The following NEGR1 variants were observed in gnomAD, a reference collection of about 807,000 sequenced individuals.
NEGR1 encodes neuronal growth regulator 1, also known as IgLON family member 4.
A neutral mutation model predicts 40.9 loss-of-function variants in NEGR1; 10 were observed. The ratio of observed to expected loss-of-function variants is 0.24; its 90% CI spans 0.15 to 0.42. The LOEUF is 0.42. Ranked by LOEUF, NEGR1 falls within the 10% of genes least tolerant of loss-of-function variation. The pLI, the probability that NEGR1 is intolerant of heterozygous loss-of-function variation, is 1.00. For missense variants in NEGR1, 352 were observed against 438.9 expected, an observed-to-expected ratio of 0.80 and a Z score of 1.77; for synonymous variants, 185 against 166.8, an observed-to-expected ratio of 1.11 and a Z score of -0.84.
At chr1:71,851,112 T>A (rs1015613634) in intron 2 of NEGR1, among the ~76,000 whole-genome samples, 2 of 152,122 alleles carry the variant, frequency 1.3e-5, no homozygotes, top group Non-Finnish European at 2.9e-5. Flanking sequence ...GCTTTGGCTA[T>A]CTACATGACA....
At chr1:71,755,054 C>T (rs565354812) in intron 3 of NEGR1, among the ~76,000 whole-genome samples, 1 of 152,336 alleles carries the variant, frequency 6.6e-6, no homozygotes, top group African/African-American at 2.4e-5. Context: ...GACATTTTCA[C>T]TTGAGTGTCT....
chr1:72,273,666 T>G (rs934546188), intron 1 of NEGR1, among the ~76,000 whole-genome samples: 1 of 151,962 alleles, frequency 6.6e-6, no homozygotes, highest in East Asian at 1.9e-4. Context: ...AAATGCCTTA[T>G]ATTTTAGTAC....
intron 2 of NEGR1, among the ~76,000 whole-genome samples, chr1:71,903,662 T>C (rs1042843884): frequency 4.6e-5 from 7 of 151,934 alleles, no homozygotes; most frequent in Non-Finnish European, 8.8e-5. Flanking sequence ...GTACTATTCA[T>C]AAATACATTT....
intron 4 of NEGR1, among the ~76,000 whole-genome samples, chr1:71,660,896 T>C (rs1652032617): frequency 6.6e-6 from 1 of 152,202 alleles, no homozygotes; most frequent in Non-Finnish European, 1.5e-5. Flanking sequence ...TTCCCCTCTC[T>C]GTGCCCATAT....
At chr1:72,084,303 CA>C in intron 1 of NEGR1, among the ~76,000 whole-genome samples, 1 of 152,294 alleles carries the variant, frequency 6.6e-6, no homozygotes, top group South Asian at 2.1e-4. Flanking sequence ...ACCCTAGGCA[CA>C]GATGCACAAG....
intron 2 of NEGR1, among the ~76,000 whole-genome samples, chr1:71,857,074 T>C (rs1659794509): frequency 6.6e-6 from 1 of 151,996 alleles, no homozygotes; most frequent in African/African-American, 2.4e-5. Flanking sequence ...CGCACTGAGA[T>C]GACTTGCAAA....
intron 3 of NEGR1, among the ~76,000 whole-genome samples, chr1:71,735,443 T>G (rs887914903): frequency 6.6e-6 from 1 of 152,080 alleles, no homozygotes; most frequent in African/African-American, 2.4e-5. Flanking sequence ...AATCTGATAT[T>G]TAATGAATGG....
At chr1:71,826,371 C>A (rs1658625276) in intron 2 of NEGR1, among the ~76,000 whole-genome samples, 1 of 151,894 alleles carries the variant, frequency 6.6e-6, no homozygotes, top group African/African-American at 2.4e-5. Context: ...ATTCTACCTG[C>A]TAATCATTCC....
intron 2 of NEGR1, among the ~76,000 whole-genome samples, chr1:71,869,781 C>T (rs188644008): frequency 3.0e-4 from 46 of 151,948 alleles, no homozygotes; most frequent in Middle Eastern, 3.4e-3. Context: ...TCACTTAATA[C>T]GGAAAATACT....
chr1:71,555,653 C>T lies in NEGR1; in HGVS notation c.940+37164G>A, dbSNP rs564933458. Among the ~76,000 whole-genome samples, 6 of 151,662 alleles carry T rather than the reference C, an allele frequency of 4.0e-5. No homozygotes were observed. The South Asian group carries it at 1.2e-3, about 31-fold the overall frequency. ...ACATTTTTTCAAATTATCTTTCTTT[C>T]CTAAGTCACTCGTGAACATAAGGTC... is the stretch of plus-strand genomic sequence containing the variant. On this transcript the variant is annotated intron_variant, in intron 6 of 6. Transcript: ENST00000357731.
chr1:72,149,699 G>A (rs1651044156), intron 1 of NEGR1, among the ~76,000 whole-genome samples: 3 of 151,406 alleles, frequency 2.0e-5, no homozygotes, highest in African/African-American at 7.3e-5. Flanking sequence ...ACTGACCAAC[G>A]TGGAGAAACC....
chr1:72,137,025 G>A (rs1650493684), intron 1 of NEGR1, among the ~76,000 whole-genome samples: 1 of 152,266 alleles, frequency 6.6e-6, no homozygotes, highest in African/African-American at 2.4e-5. Context: ...TCAGATAAAT[G>A]CAAATCAAAA....
chr1:71,582,065 A>G (rs1649156159), intron 6 of NEGR1, among the ~76,000 whole-genome samples: 1 of 152,210 alleles, frequency 6.6e-6, no homozygotes, highest in African/African-American at 2.4e-5. Flanking sequence ...ATCATAGTGA[A>G]GCCATTAAAA....
intron 1 of NEGR1, among the ~76,000 whole-genome samples, chr1:72,181,280 A>C (rs1652356691): frequency 6.6e-6 from 1 of 152,134 alleles, no homozygotes; most frequent in Non-Finnish European, 1.5e-5. Flanking sequence ...AGCACAAGAT[A>C]AGGTTGGGCA....
At chr1:71,994,412 C>T (rs746790644) in intron 1 of NEGR1, among the ~76,000 whole-genome samples, 2 of 151,842 alleles carry the variant, frequency 1.3e-5, no homozygotes, top group Non-Finnish European at 2.9e-5. Context: ...CCTGTAGTAC[C>T]AGCTACTCGG....
At chr1:71,858,240 G>T (rs934459153) in intron 2 of NEGR1, among the ~76,000 whole-genome samples, 7 of 151,778 alleles carry the variant, frequency 4.6e-5, no homozygotes, top group Non-Finnish European at 8.8e-5. Context: ...AGTGAAATAT[G>T]CTGTTCTCAT....
chr1:71,935,255 A>C lies in NEGR1; in HGVS notation c.233T>G (p.Ile78Ser). 6.2e-7 allele frequency: 1 copy of C among 1,614,068 alleles called. No homozygotes were observed. The highest frequency in any genetic ancestry group is 8.5e-7 in the Non-Finnish European group (1 of 1,179,986). The change falls in exon 2 of 7, where the codon ATT becomes AGT. Residue 78 changes from isoleucine to serine, a missense_variant. Transcript: ENST00000357731. ...TGACCACTTATCACCTCCCGCAAAAATAATACTTGACCGGTTCAGCCAGGC... is the reference window on the plus strand; with the variant it reads ...TGACCACTTATCACCTCCCGCAAAACTAATACTTGACCGGTTCAGCCAGGC... ...KGAWLNRSSI[I>S]FAGGDKWSVD...
chr1:71,572,232 A>G (rs1422791414), intron 6 of NEGR1, among the ~76,000 whole-genome samples: 2 of 152,176 alleles, frequency 1.3e-5, no homozygotes, highest in African/African-American at 4.8e-5. Flanking sequence ...GAAATTACCC[A>G]TTAGTCTTGC....
At chr1:72,098,834 A>G (rs1648817382) in intron 1 of NEGR1, among the ~76,000 whole-genome samples, 2 of 152,148 alleles carry the variant, frequency 1.3e-5, no homozygotes, top group African/African-American at 4.8e-5. Context: ...AATTTTCTCA[A>G]AAGTTTACAT....
Sources: allele counts gnomAD v4.1 joint callset (sites outside exome capture counted in the v4.1 genomes callset), GRCh38; gene constraint gnomAD v4.1.1; transcripts MANE v1.5; gene names NCBI Gene and HGNC (gene_info 2026-07-23, HGNC 2026-07-21).